Variants in GRIK2 observed in about 807,000 individuals in gnomAD.
The protein encoded by GRIK2 is glutamate ionotropic receptor kainate type subunit 2.
A neutral mutation model predicts 100.3 loss-of-function variants in GRIK2; 32 were observed. That is an observed-to-expected ratio of 0.32 (90% CI 0.24 to 0.43). The LOEUF (loss-of-function observed/expected upper bound fraction) is 0.43, where lower values mean the gene tolerates loss of function less well. Ranked by LOEUF, GRIK2 falls within the 20% of genes least tolerant of loss-of-function variation. The probability of loss-of-function intolerance (pLI) is 1.00; values close to 1 mark genes in which losing one functional copy is unlikely to be tolerated. For missense variants in GRIK2, 843 were observed against 1,114.9 expected, an observed-to-expected ratio of 0.76 and a Z score of 3.47; for synonymous variants, 417 against 389.4, an observed-to-expected ratio of 1.07 and a Z score of -0.83.
intron 4 of GRIK2, among the ~76,000 whole-genome samples, chr6:101,662,126 A>T (rs1196119890): frequency 2.0e-5 from 3 of 152,212 alleles, no homozygotes; most frequent in African/African-American, 7.2e-5. Flanking sequence ...ACCAAGGGTT[A>T]AAACAGCTGG....
At chr6:102,039,466 G>A (rs1048444777) in intron 15 of GRIK2, among the ~76,000 whole-genome samples, 36 of 151,372 alleles carry the variant, frequency 2.4e-4, no homozygotes, top group African/African-American at 6.8e-4. Context: ...TTAAAGGCTC[G>A]GAGTGAGTTA....
chr6:101,586,423 G>T (rs530184570), intron 2 of GRIK2, among the ~76,000 whole-genome samples: 2 of 152,126 alleles, frequency 1.3e-5, no homozygotes, highest in South Asian at 2.1e-4. Flanking sequence ...TGATCTTGAG[G>T]CAATGAAACA....
At chr6:101,684,097 C>A (rs930366371) in intron 6 of GRIK2, among the ~76,000 whole-genome samples, 4 of 152,174 alleles carry the variant, frequency 2.6e-5, no homozygotes, top group African/African-American at 9.6e-5. Context: ...ATGTATTTTA[C>A]TTAAAAATAG....
In GRIK2 at chr6:101,912,089, CACACACACACAAACACACACACAG is replaced by C. The variant is rs1294667728; in HGVS notation, c.1749-12510_1749-12487del. On this transcript the variant is annotated intron_variant, in intron 12 of 16. Transcript: ENST00000369134. ...ACACACACACACACACAGACACAAA[CACACACACACAAACACACACACAG>C]AGACCGAGAGAGAGAAATCAGCACT... 1.7e-3 allele frequency among the ~76,000 whole-genome samples: 35 copies of C among 21,056 alleles called. 1 individual carries two copies. The South Asian group carries it at 0.047, about 28-fold the overall frequency. The allele number at this position is 21,056 out of a possible 152,430, so 13.8% of individuals were successfully genotyped here. A position where few individuals can be genotyped will look rare whatever the true frequency, so the allele number is the denominator to read the frequency against.
intron 2 of GRIK2, among the ~76,000 whole-genome samples, chr6:101,437,468 A>G (rs1395802621): frequency 6.6e-6 from 1 of 152,100 alleles, no homozygotes; most frequent in African/African-American, 2.4e-5. Flanking sequence ...GATCCTTTTA[A>G]TATTCTTTGT....
intron 5 of GRIK2, among the ~76,000 whole-genome samples, chr6:101,677,164 A>T (rs1770902925): frequency 6.6e-6 from 1 of 152,132 alleles, no homozygotes; most frequent in African/African-American, 2.4e-5. Context: ...GCCAGTAGGA[A>T]AAAGATGTAA....
Position 101,707,594 on chromosome 6 carries a change from G to GTGTATATATA in GRIK2, c.951+21242_951+21243insGTATATATAT, listed in dbSNP as rs1491149804. On this transcript the variant is annotated intron_variant, in intron 7 of 16. Transcript: ENST00000369134. ...TATGTGTATGTGTGTGTGTGTGTGT[G>GTGTATATATA]TATATATGTGTGTATATATATATAT... 2.3e-4 allele frequency among the ~76,000 whole-genome samples: 24 copies of GTGTATATATA among 106,114 alleles called. No individual in the cohort carries two copies. In the East Asian group the frequency reaches 2.8e-3, roughly 12 times the overall value. 69.6% of individuals were successfully genotyped at this position (106,114 alleles called of 152,430 possible).
At chr6:101,673,515 C>T (rs978607211) in intron 4 of GRIK2, among the ~76,000 whole-genome samples, 1 of 152,172 alleles carries the variant, frequency 6.6e-6, no homozygotes. Context: ...GCATCTACAG[C>T]TGGGCTTGTC....
intron 15 of GRIK2, among the ~76,000 whole-genome samples, chr6:102,041,512 A>G (rs1770572034): frequency 6.6e-6 from 1 of 151,468 alleles, no homozygotes; most frequent in Admixed American, 6.6e-5. Flanking sequence ...GCATTTGCTG[A>G]CCCTCATGTG....
At chr6:101,815,249 A>G (rs1781564864) in intron 9 of GRIK2, among the ~76,000 whole-genome samples, 1 of 152,202 alleles carries the variant, frequency 6.6e-6, no homozygotes, top group African/African-American at 2.4e-5. Flanking sequence ...CATAGGATCA[A>G]AGTTTAAATT....
At chr6:101,562,972 A>G (rs968536340) in intron 2 of GRIK2, among the ~76,000 whole-genome samples, 5 of 152,198 alleles carry the variant, frequency 3.3e-5, no homozygotes, top group Admixed American at 6.5e-5. Context: ...ATAAGCTGCT[A>G]TGCTTGCAAT....
intron 9 of GRIK2, among the ~76,000 whole-genome samples, chr6:101,811,430 G>A (rs1232597542): frequency 6.6e-6 from 1 of 151,962 alleles, no homozygotes; most frequent in Non-Finnish European, 1.5e-5. Context: ...TGAATATTTT[G>A]TGAGTCAATG....
chr6:101,541,935 G>A (rs751129017), intron 2 of GRIK2, among the ~76,000 whole-genome samples: 5 of 150,890 alleles, frequency 3.3e-5, no homozygotes, highest in South Asian at 2.1e-4. Context: ...GTACTATTTC[G>A]TTACAGATCA....
chr6:101,418,602 T>C (rs1201810966), intron 2 of GRIK2, among the ~76,000 whole-genome samples: 1 of 152,052 alleles, frequency 6.6e-6, no homozygotes, highest in Non-Finnish European at 1.5e-5. Context: ...CAAGGGAGTA[T>C]GGTGGGGGTG....
chr6:102,028,114 G>A (rs545418278), intron 14 of GRIK2, among the ~76,000 whole-genome samples: 12 of 151,160 alleles, frequency 7.9e-5, no homozygotes, highest in African/African-American at 2.4e-4. Context: ...TTTATTTAGT[G>A]TTCTAGCAGA....
chr6:101,439,756 G>A (rs981168358), intron 2 of GRIK2, among the ~76,000 whole-genome samples: 4 of 152,060 alleles, frequency 2.6e-5, no homozygotes, highest in Admixed American at 2.0e-4. Context: ...GGTATTATAA[G>A]TAGCTATCTT....
chr6:101,812,576 G>T (rs1189594468), intron 9 of GRIK2, among the ~76,000 whole-genome samples: 1 of 151,826 alleles, frequency 6.6e-6, no homozygotes, highest in Non-Finnish European at 1.5e-5. Flanking sequence ...TATAAAGCCC[G>T]TAGGATGTCC....
intron 1 of GRIK2, among the ~76,000 whole-genome samples, chr6:101,397,618 G>A (rs75732170): frequency 0.034 from 5,134 of 152,190 alleles, 145 homozygotes; most frequent in East Asian, 0.15. Flanking sequence ...AATATCTTAA[G>A]AAAATTTAAA....
intron 2 of GRIK2, among the ~76,000 whole-genome samples, chr6:101,501,781 A>T (rs1554210326): frequency 6.6e-6 from 1 of 152,134 alleles, no homozygotes; most frequent in Non-Finnish European, 1.5e-5. Flanking sequence ...TTTCCAAGAC[A>T]GGGTCTCACT....
Sources: gnomAD v4.1 joint callset for allele counts (sites outside exome capture counted in the v4.1 genomes callset) on GRCh38, gnomAD v4.1.1 for gene constraint, MANE v1.5 for transcripts, NCBI Gene and HGNC (gene_info 2026-07-23, HGNC 2026-07-21) for gene names.